Variants in PTPN7 observed in about 807,000 individuals in gnomAD.
PTPN7 encodes tyrosine-protein phosphatase non-receptor type 7.
In PTPN7, 33 loss-of-function variants were observed where a neutral mutation model predicts 50.3. The observed-to-expected ratio is 0.66, with a 90% CI of 0.50 to 0.88. The LOEUF is 0.88. PTPN7 is among the 40% of genes least tolerant of loss of function. PTPN7 has a pLI of 0.00. For synonymous variants in PTPN7, 185 were observed against 186.6 expected, an observed-to-expected ratio of 0.99 and a Z score of 0.07; for missense variants, 412 against 475.4, an observed-to-expected ratio of 0.87 and a Z score of 1.24.
chr1:202,160,597 C>T lies in PTPN7; in HGVS notation c.-105G>A, dbSNP rs772046918. The T allele has an allele frequency of 2.6e-5, 41 of 1,550,388 alleles. No homozygotes were observed. The highest frequency in any genetic ancestry group is 6.8e-5 in the African/African-American group (5 of 73,028). On this transcript the variant is annotated 5_prime_UTR_variant, in exon 1 of 10. Transcript: ENST00000691036. This position sits in a 1 kb window ranked among gnomAD's most constrained non-coding sequence, Gnocchi z 4.8. ...TCTTGCCAGCTGTCTGTCTGTCTGT[C>T]GGTCTGTCTTTGAGGGCTGAGAAGG...
Position 202,159,706 on chromosome 1 carries a change from A to G in PTPN7, c.-52-252T>C. On this transcript the variant is annotated intron_variant, in intron 1 of 9. Coordinates refer to ENST00000691036, the MANE Select transcript of PTPN7 (RefSeq NM_002832.4). This position sits in a 1 kb window ranked among gnomAD's most constrained non-coding sequence, Gnocchi z 4.6. Reference sequence around the variant, plus strand: ...TGAAGATAGGAAAGAATCCAGAAGGAGGAAAAGAGAGAGGGGAGAGAGGCC... The same window carrying G: ...TGAAGATAGGAAAGAATCCAGAAGGGGGAAAAGAGAGAGGGGAGAGAGGCC... 7.3e-7 allele frequency: 1 copy of G among 1,365,924 alleles called. No individual in the cohort carries two copies. The highest frequency in any genetic ancestry group is 9.4e-7 in the Non-Finnish European group (1 of 1,060,518). 84.6% of individuals were successfully genotyped at this position (1,365,924 alleles called of 1,614,324 possible). A position where few individuals can be genotyped will look rare whatever the true frequency, so the allele number is the denominator to read the frequency against.
Position 202,160,070 on chromosome 1 carries a change from T to C in PTPN7, c.-53+475A>G. The C allele has an allele frequency of 2.5e-6, 2 of 804,188 alleles. No individual in the cohort carries two copies. Among genetic ancestry groups the C allele is most frequent in the Non-Finnish European group, 3.0e-6 (2 of 660,974 alleles). 49.8% of individuals were successfully genotyped at this position (804,188 alleles called of 1,614,324 possible). A position where few individuals can be genotyped will look rare whatever the true frequency, so the allele number is the denominator to read the frequency against. On this transcript the variant is annotated intron_variant, in intron 1 of 9. Transcript: ENST00000691036. This position sits in a 1 kb window ranked among gnomAD's most constrained non-coding sequence, Gnocchi z 4.8. Reference sequence around the variant, plus strand: ...TGCCCATCCCCCCGTCTCCCGCCTCTGTAACCGTCACAGGAAATGGCCTCA... The same window carrying C: ...TGCCCATCCCCCCGTCTCCCGCCTCCGTAACCGTCACAGGAAATGGCCTCA...
rs1326944936 is a variant in PTPN7 at position 202,150,378 on chromosome 1, A to G, written c.922T>C (p.Cys308Arg). 1 of 1,612,892 alleles carries G rather than the reference A, an allele frequency of 6.2e-7. No individual in the cohort carries two copies. Among genetic ancestry groups the G allele is most frequent in the South Asian group, 1.1e-5 (1 of 90,674 alleles). Residue 308 changes from cysteine to arginine, a missense_variant, in exon 9 of 10, where the codon TGT (cysteine) becomes CGT (arginine). Coordinates refer to ENST00000691036, the MANE Select transcript of PTPN7 (RefSeq NM_002832.4). ...TGCFIATRIG[C>R]QQLKARGEVD... ...TCTCCTCGGGCTTTCAGCTGTTGAC[A>G]GCCAATTCGCGTGGCGATGAAGCAG...
rs1405265654 is a variant in PTPN7, at chr1:202,160,373, C to T, written c.-53+172G>A. On this transcript the variant is annotated intron_variant, in intron 1 of 9. Coordinates refer to ENST00000691036, the MANE Select transcript of PTPN7 (RefSeq NM_002832.4). This position sits in a 1 kb window ranked among gnomAD's most constrained non-coding sequence, Gnocchi z 4.8. Reference sequence around the variant, plus strand: ...TCTCCTTGTAGCTCCCTGTGGCTTCCCTGCTCACCCCCGTCTTGGGGACAT... The same window carrying T: ...TCTCCTTGTAGCTCCCTGTGGCTTCTCTGCTCACCCCCGTCTTGGGGACAT... Among the ~76,000 whole-genome samples the T allele has an allele frequency of 6.6e-6, 1 of 152,062 alleles. No homozygotes were observed. Among genetic ancestry groups the T allele is most frequent in the Non-Finnish European group, 1.5e-5 (1 of 68,018 alleles).
At chr1:202,157,649 T>A (rs1028494526) in intron 4 of PTPN7, 90 bp downstream of exon 4, 2 of 1,267,292 alleles carry the variant, frequency 1.6e-6, no homozygotes, top group Non-Finnish European at 2.3e-6. Context: ...AGGTTGATCT[T>A]CCCTGGCTGA....
upstream of PTPN7, chr1:202,161,228 G>A (rs894235248): frequency 4.1e-5 from 46 of 1,117,218 alleles, no homozygotes; most frequent in African/African-American, 2.7e-4. Flanking sequence ...CCTGTGCCAC[G>A]GCCCAGCTCT....
intron 8 of PTPN7, among the ~76,000 whole-genome samples, chr1:202,151,935 T>C (rs1656049010): frequency 6.6e-6 from 1 of 152,140 alleles, no homozygotes; most frequent in Non-Finnish European, 1.5e-5. Flanking sequence ...TTTTCCTTTT[T>C]TGAGATGGAG....
At position 202,152,444 on chromosome 1, in the gene PTPN7, C is replaced by T. The variant is rs1393371474; in HGVS notation, c.875+98G>A. On this transcript the variant is annotated intron_variant, in intron 8 of 9. Transcript: ENST00000691036. Reference sequence around the variant, plus strand: ...CATGTCTGAGTAAGGACTAGGCTTGCCTGATGCTTTTCTGCTCAGACCCTT... The same window carrying T: ...CATGTCTGAGTAAGGACTAGGCTTGTCTGATGCTTTTCTGCTCAGACCCTT... 5.0e-6 allele frequency: 7 copies of T among 1,391,328 alleles called. No individual in the cohort carries two copies. The East Asian group carries it at 1.2e-4, about 24-fold the overall frequency. 86.2% of individuals were successfully genotyped at this position (1,391,328 alleles called of 1,614,324 possible). A position where few individuals can be genotyped will look rare whatever the true frequency, so the allele number is the denominator to read the frequency against.
rs377211600 is a variant in PTPN7 at position 202,159,023 on chromosome 1, C to T, written c.122+258G>A. The T allele has an allele frequency of 1.1e-4, 53 of 494,436 alleles. No homozygotes were observed. The East Asian group carries it at 1.2e-3, about 11-fold the overall frequency. The allele number at this position is 494,436 out of a possible 1,614,324, so 30.6% of individuals were successfully genotyped here. Reference sequence around the variant, plus strand: ...CACTCCCAGCCAGGCCCTGTGGCTCCGACATGCATCCAGCACCAAGAAGGC... The same window carrying T: ...CACTCCCAGCCAGGCCCTGTGGCTCTGACATGCATCCAGCACCAAGAAGGC... On this transcript the variant is annotated intron_variant, in intron 2 of 9. Transcript: ENST00000691036. The surrounding 1 kb of genome is among the most constrained non-coding windows in gnomAD (Gnocchi z 4.6).
chr1:202,159,622 C>G lies in PTPN7; in HGVS notation c.-52-168G>C. 2 of 1,472,248 alleles carry G rather than the reference C, an allele frequency of 1.4e-6. No homozygotes were observed. Among genetic ancestry groups the G allele is most frequent in the South Asian group, 1.4e-5 (1 of 69,256 alleles). The allele number at this position is 1,472,248 out of a possible 1,614,324, so 91.2% of individuals were successfully genotyped here. On this transcript the variant is annotated intron_variant, in intron 1 of 9. Coordinates refer to ENST00000691036, the MANE Select transcript of PTPN7 (RefSeq NM_002832.4). This position sits in a 1 kb window ranked among gnomAD's most constrained non-coding sequence, Gnocchi z 4.6. ...AGGACAGGATCTATTTGGTGGGACC[C>G]AGGGCAGAAGGCAGTCTCGGGGTAG...
chr1:202,158,142 G>C lies in PTPN7; in HGVS notation c.282C>G (p.Pro94=), dbSNP rs1656897000. The stretch of plus-strand genomic sequence containing the variant: ...CCAAGAATTCTTCTTCCAGTTGCTT[G>C]GGGCTGGGTGGCTGGCGCTGAAGGG... ...RWALQRQPPS[P]KQLEEEFLKI... is the part of the protein sequence containing the mutation. Residue 94 remains proline (P), a synonymous_variant, in exon 3 of 10, where the codon CCC becomes CCG. Coordinates refer to ENST00000691036, the MANE Select transcript of PTPN7 (RefSeq NM_002832.4). 4.4e-6 allele frequency: 7 copies of C among 1,600,716 alleles called. No homozygotes were observed. The East Asian group carries it at 1.6e-4, about 36-fold the overall frequency.
upstream of PTPN7, chr1:202,161,422 A>T: frequency 7.8e-7 from 1 of 1,287,090 alleles, no homozygotes; most frequent in Non-Finnish European, 1.0e-6. Flanking sequence ...ACACCAGGGG[A>T]CTCCCATGTC....
intron 9 of PTPN7, 148 bp from the exon 10 acceptor site, chr1:202,148,847 C>CAT (rs35165620): frequency 1.7e-4 from 24 of 137,508 alleles, no homozygotes; most frequent in Middle Eastern, 2.8e-3. Context: ...CATCTTTTCA[C>CAT]TTTTTTTTTT....
intron 4 of PTPN7, among the ~76,000 whole-genome samples, chr1:202,156,421 G>C (rs947187063): frequency 6.6e-6 from 1 of 152,194 alleles, no homozygotes; most frequent in Non-Finnish European, 1.5e-5. Flanking sequence ...TGTGAAGTGG[G>C]ACTAGGACTC....
intron 8 of PTPN7, among the ~76,000 whole-genome samples, chr1:202,150,832 G>A (rs964293442): frequency 3.9e-5 from 6 of 151,932 alleles, no homozygotes; most frequent in East Asian, 1.9e-4. Flanking sequence ...CGCAGCCCAC[G>A]CCCGGCCCCT....
chr1:202,157,622 A>G, intron 4 of PTPN7, 117 bp downstream of exon 4: 1 of 901,892 alleles, frequency 1.1e-6, no homozygotes, highest in Non-Finnish European at 1.7e-6. Flanking sequence ...CTCTGCTGAG[A>G]GAAGATGTGC....
At position 202,153,709 on chromosome 1, in the gene PTPN7, T is replaced by C. The variant is rs1351426246; in HGVS notation, c.717+16A>G. On this transcript the variant is annotated intron_variant, in intron 7 of 9. Coordinates refer to ENST00000691036, the MANE Select transcript of PTPN7 (RefSeq NM_002832.4). Reference sequence around the variant, plus strand: ...GGCCCAACTTCCCACTGGGCCTGGCTCCGGGGGGGTGGTACCTGGATGGTG... The same window carrying C: ...GGCCCAACTTCCCACTGGGCCTGGCCCCGGGGGGGTGGTACCTGGATGGTG... The C allele has an allele frequency of 6.2e-7, 1 of 1,605,572 alleles. No homozygotes were observed. Among genetic ancestry groups the C allele is most frequent in the Admixed American group, 1.7e-5 (1 of 59,970 alleles).
At chr1:202,157,018 C>T (rs1200564936) in intron 4 of PTPN7, among the ~76,000 whole-genome samples, 2 of 152,194 alleles carry the variant, frequency 1.3e-5, no homozygotes, top group African/African-American at 4.8e-5. Flanking sequence ...GGGAGCCCTC[C>T]TGGTGGTGCT....
chr1:202,153,442 C>T (rs895018814), intron 7 of PTPN7, among the ~76,000 whole-genome samples: 2 of 152,306 alleles, frequency 1.3e-5, no homozygotes, highest in African/African-American at 4.8e-5. Context: ...CTCCTTTAAC[C>T]TCCTCTCCTT....
Sources: gnomAD v4.1 joint callset for allele counts (sites outside exome capture counted in the v4.1 genomes callset) on GRCh38, gnomAD v4.1.1 for gene constraint, Gnocchi (gnomAD v3.1) non-coding constraint, MANE v1.5 for transcripts, NCBI Gene and HGNC (gene_info 2026-07-23, HGNC 2026-07-21) for gene names.